Variants in SPATA13 observed in about 807,000 individuals in gnomAD.
The protein encoded by SPATA13 is spermatogenesis associated 13.
In SPATA13, 50 loss-of-function variants were observed where a neutral mutation model predicts 104.0. The ratio of observed to expected loss-of-function variants is 0.48; its 90% CI spans 0.38 to 0.61. The LOEUF (loss-of-function observed/expected upper bound fraction) is 0.61, where lower values mean the gene tolerates loss of function less well. SPATA13 is among the 20% of genes least tolerant of loss of function. The probability of loss-of-function intolerance (pLI) is 0.00; values close to 1 mark genes in which losing one functional copy is unlikely to be tolerated. For missense variants in SPATA13, 1,524 were observed against 1,690.6 expected, an observed-to-expected ratio of 0.90 and a Z score of 1.73; for synonymous variants, 606 against 667.5, an observed-to-expected ratio of 0.91 and a Z score of 1.42.
intron 2 of SPATA13, among the ~76,000 whole-genome samples, chr13:24,243,243 G>A (rs1169175419): frequency 6.6e-6 from 1 of 152,092 alleles, no homozygotes; most frequent in African/African-American, 2.4e-5. Context: ...ATGTTACTAC[G>A]TTACGGCTCT....
chr13:24,122,633 G>A (rs751946140), intron 3 of SPATA13: 37 of 1,291,562 alleles, frequency 2.9e-5, no homozygotes, highest in Admixed American at 8.4e-5. Context: ...GAACCTTTTT[G>A]CACATACTGT....
chr13:24,040,368 A>G (rs867060980), intron 3 of SPATA13, among the ~76,000 whole-genome samples: 1 of 152,350 alleles, frequency 6.6e-6, no homozygotes, highest in East Asian at 1.9e-4. Context: ...CAGGTGGTAC[A>G]TGGCTCAACC....
At chr13:24,042,455 G>A (rs1326446220) in intron 3 of SPATA13, among the ~76,000 whole-genome samples, 5 of 152,222 alleles carry the variant, frequency 3.3e-5, no homozygotes, top group Non-Finnish European at 4.4e-5. Context: ...AAGCAAACCA[G>A]GCTGCTGTGT....
intron 3 of SPATA13, among the ~76,000 whole-genome samples, chr13:24,143,612 C>T (rs1881834466): frequency 6.6e-6 from 1 of 152,174 alleles, no homozygotes; most frequent in Non-Finnish European, 1.5e-5. Context: ...CTTTCCGACT[C>T]TGCTGCCAGT....
At chr13:24,273,670 T>G (rs1593483543) in intron 4 of SPATA13, among the ~76,000 whole-genome samples, 1 of 152,292 alleles carries the variant, frequency 6.6e-6, no homozygotes, top group South Asian at 2.1e-4. Flanking sequence ...AGATATAAAC[T>G]TAATAATAAC....
intron 4 of SPATA13, among the ~76,000 whole-genome samples, chr13:24,280,879 C>T (rs573990909): frequency 9.9e-5 from 15 of 152,280 alleles, no homozygotes; most frequent in South Asian, 2.1e-4. Context: ...TCCGACTGTA[C>T]GCACCCTGGC....
chr13:24,114,485 C>T (rs1468794781), intron 3 of SPATA13, among the ~76,000 whole-genome samples: 1 of 150,068 alleles, frequency 6.7e-6, no homozygotes, highest in East Asian at 2.0e-4. Flanking sequence ...ACACACTTGG[C>T]CTGGTGCTGC....
At chr13:24,017,823 T>C (rs1876786183) in intron 3 of SPATA13, 1 of 420,244 alleles carries the variant, frequency 2.4e-6, no homozygotes, top group Admixed American at 6.4e-5. Context: ...GTTACCTCTG[T>C]AACATACTGT....
intron 3 of SPATA13, among the ~76,000 whole-genome samples, chr13:24,039,361 T>G (rs1419605144): frequency 6.6e-6 from 1 of 152,202 alleles, no homozygotes; most frequent in Non-Finnish European, 1.5e-5. Flanking sequence ...CTGGTGGGAA[T>G]GGACATGGTA....
chr13:24,225,840 C>T (rs1210065005), intron 2 of SPATA13, among the ~76,000 whole-genome samples: 1 of 152,214 alleles, frequency 6.6e-6, no homozygotes, highest in African/African-American at 2.4e-5. Context: ...CCCTTTAACT[C>T]CCACCTGCAG....
At chr13:24,207,913 A>T (rs1203558304) in intron 1 of SPATA13, among the ~76,000 whole-genome samples, 1 of 152,172 alleles carries the variant, frequency 6.6e-6, no homozygotes, top group Non-Finnish European at 1.5e-5. Context: ...AGATTCTTGC[A>T]TCTGTGAAAT....
chr13:24,128,032 T>C (rs1881275725), intron 3 of SPATA13, among the ~76,000 whole-genome samples: 1 of 152,218 alleles, frequency 6.6e-6, no homozygotes, highest in Non-Finnish European at 1.5e-5. Flanking sequence ...TTTTGATGTC[T>C]GTGAATTTCT....
At position 24,161,942 on chromosome 13, in the gene SPATA13, C is replaced by T. The variant is rs1170812174; in HGVS notation, c.-112+1010C>T. On this transcript the variant is annotated intron_variant, in intron 1 of 12. Transcript: ENST00000382108. The surrounding 1 kb of genome is among the most constrained non-coding windows in gnomAD (Gnocchi z 4.5). Reference sequence around the variant, plus strand: ...CCCAGCGATTTGCTCTCCTTTATTCCCCTTGCTAACAGGCGGAGAAATCTC... The same window carrying T: ...CCCAGCGATTTGCTCTCCTTTATTCTCCTTGCTAACAGGCGGAGAAATCTC... 1.3e-5 allele frequency among the ~76,000 whole-genome samples: 2 copies of T among 152,098 alleles called. No individual in the cohort carries two copies. Among genetic ancestry groups the T allele is most frequent in the Non-Finnish European group, 2.9e-5 (2 of 68,028 alleles).
intron 1 of SPATA13, among the ~76,000 whole-genome samples, chr13:24,210,134 G>C (rs1438274320): frequency 6.6e-6 from 1 of 152,078 alleles, no homozygotes; most frequent in African/African-American, 2.4e-5. Context: ...GGCTTTGTTT[G>C]TTTTTGCTAA....
chr13:24,224,083 C>T lies in SPATA13; in HGVS notation c.1154C>T (p.Ala385Val), dbSNP rs11842597. 1,049 of 1,551,044 alleles carry T rather than the reference C, an allele frequency of 6.8e-4. 2 individuals carry two copies. In the African/African-American group the frequency reaches 0.013, roughly 19 times the overall value. ...RGGAVMHGTTATCTVAPGFGS... is the reference protein window; with the variant it reads ...RGGAVMHGTTVTCTVAPGFGS... ...GGGGCGGTCATGCATGGGACCACTG[C>T]AACCTGCACCGTGGCCCCCGGTTTC... The change falls in exon 2 of 13, where the codon GCA (alanine) becomes GTA (valine). Residue 385 changes from alanine to valine, a missense_variant. Around this residue, in one of 2 missense-constraint regions of SPATA13, gnomAD observed 1,089 missense variants for 1,135.9 expected, o/e 0.96. Coordinates refer to ENST00000382108, the MANE Select transcript of SPATA13 (RefSeq NM_001166271.3).
chr13:24,200,108 A>C (rs1163776426), intron 1 of SPATA13, among the ~76,000 whole-genome samples: 2 of 152,216 alleles, frequency 1.3e-5, no homozygotes, highest in African/African-American at 2.4e-5. Context: ...AGACTTGTAC[A>C]AACCCCTTCA....
At chr13:24,092,850 T>C (rs981557361) in intron 3 of SPATA13, among the ~76,000 whole-genome samples, 3 of 152,218 alleles carry the variant, frequency 2.0e-5, no homozygotes, top group African/African-American at 7.2e-5. Context: ...GTGGACTTAC[T>C]GAAAAGGCTG....
At chr13:24,016,849 T>C (rs1876735644) in intron 2 of SPATA13, among the ~76,000 whole-genome samples, 1 of 152,202 alleles carries the variant, frequency 6.6e-6, no homozygotes, top group Non-Finnish European at 1.5e-5. Flanking sequence ...AATCCCAGGG[T>C]GCAGAGAATC....
chr13:24,263,622 T>G (rs1362075641), intron 4 of SPATA13, among the ~76,000 whole-genome samples: 1 of 152,246 alleles, frequency 6.6e-6, no homozygotes, highest in East Asian at 1.9e-4. Flanking sequence ...ATTAATGCAA[T>G]GTAAATGCTA....
Sources: gnomAD v4.1 joint callset for allele counts (sites outside exome capture counted in the v4.1 genomes callset) on GRCh38, gnomAD v4.1.1 for gene constraint, gnomAD v4.1.1 regional missense constraint, Gnocchi (gnomAD v3.1) non-coding constraint, MANE v1.5 for transcripts, NCBI Gene and HGNC (gene_info 2026-07-23, HGNC 2026-07-21) for gene names.